SFI1: variants seen among roughly 807,000 people sequenced by gnomAD.
SFI1 encodes the protein SFI1 centrin binding protein.
In SFI1, 195 loss-of-function variants were observed where a neutral mutation model predicts 207.5. The observed-to-expected ratio is 0.94, with a 90% CI of 0.84 to 1.06. The LOEUF (loss-of-function observed/expected upper bound fraction) is 1.06. Among genes scored for constraint, SFI1 ranks in the 50% least tolerant of loss-of-function variants. The probability of loss-of-function intolerance (pLI) is 0.00; values close to 1 mark genes in which losing one functional copy is unlikely to be tolerated. For missense variants in SFI1, 1,634 were observed against 1,588.0 expected (o/e 1.03, Z -0.49); for synonymous variants, 630 against 598.9 (o/e 1.05, Z -0.76).
In SFI1 at chr22:31,580,458, T is replaced by TA. The variant is rs1279621717; in HGVS notation, c.1248+101dup. The TA allele has an allele frequency of 1.4e-4, 146 of 1,014,382 alleles. 1 individual carries two copies. The East Asian group carries it at 3.5e-3, about 24-fold the overall frequency. The allele number at this position is 1,014,382 out of a possible 1,614,324, so 62.8% of individuals were successfully genotyped here. A position where few individuals can be genotyped will look rare whatever the true frequency, so the allele number is the denominator to read the frequency against. The stretch of plus-strand genomic sequence containing the variant: ...TTGCCAAATTAAGCAGAACTCTTTT[T>TA]AAAAAAACTTTTTGTGCTTCAAGAT... On this transcript the variant is annotated intron_variant, in intron 12 of 32. Transcript: ENST00000400288.
chr22:31,573,050 G>C lies in SFI1; in HGVS notation c.766-8G>C. ...TCCTTTGACTGTTGCCTCTTCTCTG[G>C]TTTTCAGGCTTGGTCACAGTGGCGG... On this transcript the variant is annotated splice_polypyrimidine_tract_variant and splice_region_variant and intron_variant, in intron 8 of 32. Coordinates refer to ENST00000400288, the MANE Select transcript of SFI1 (RefSeq NM_001007467.3). 1 of 1,611,540 alleles carries C rather than the reference G, an allele frequency of 6.2e-7. No homozygotes were observed. The highest frequency in any genetic ancestry group is 8.5e-7 in the Non-Finnish European group (1 of 1,178,474).
intron 1 of SFI1, among the ~76,000 whole-genome samples, chr22:31,507,604 C>T (rs1338633603): frequency 6.6e-6 from 1 of 152,146 alleles, no homozygotes; most frequent in Non-Finnish European, 1.5e-5. Context: ...AATTTTTGCA[C>T]TCTGTCCATC....
chr22:31,546,389 G>A (rs947048486), intron 4 of SFI1, among the ~76,000 whole-genome samples: 1 of 151,880 alleles, frequency 6.6e-6, no homozygotes, highest in African/African-American at 2.4e-5. Flanking sequence ...GGAGTGCAGT[G>A]GTGCAGTCTC....
At chr22:31,522,136 C>T (rs1360924579) in intron 2 of SFI1, among the ~76,000 whole-genome samples, 1 of 131,564 alleles carries the variant, frequency 7.6e-6, no homozygotes, top group South Asian at 2.6e-4. Flanking sequence ...GGCACAATCT[C>T]TGCTCACTGC....
At chr22:31,603,637 C>A in intron 17 of SFI1, 107 bp from the exon 18 acceptor site, 1 of 892,452 alleles carries the variant, frequency 1.1e-6, no homozygotes, top group East Asian at 3.3e-5. Context: ...GGTCTTGGCT[C>A]CCCCAAAAAC....
At chr22:31,561,247 G>A in intron 7 of SFI1, 43 bp from the exon 8 acceptor site, 1 of 1,582,790 alleles carries the variant, frequency 6.3e-7, no homozygotes, top group Non-Finnish European at 8.7e-7. Context: ...TTCCTGAGTG[G>A]CTTTTTACTG....
At chr22:31,574,760 A>T (rs2063295808) in intron 9 of SFI1, among the ~76,000 whole-genome samples, 1 of 152,100 alleles carries the variant, frequency 6.6e-6, no homozygotes, top group Non-Finnish European at 1.5e-5. Flanking sequence ...TCAAGGTTTA[A>T]AAAACTTGTA....
intron 1 of SFI1, among the ~76,000 whole-genome samples, chr22:31,505,481 T>C (rs1358826819): frequency 6.6e-6 from 1 of 150,386 alleles, no homozygotes; most frequent in Non-Finnish European, 1.5e-5. Flanking sequence ...CTAGGCAAGG[T>C]GCAGTGGTGC....
intron 11 of SFI1, 75 bp downstream of exon 11, chr22:31,578,527 C>G: frequency 7.3e-7 from 1 of 1,365,650 alleles, no homozygotes; most frequent in Non-Finnish European, 1.0e-6. Flanking sequence ...GACCCTGACC[C>G]CTATCACCTT....
chr22:31,582,166 T>C (rs2045704476), intron 12 of SFI1, among the ~76,000 whole-genome samples: 1 of 128,952 alleles, frequency 7.8e-6, no homozygotes, highest in African/African-American at 2.8e-5. Flanking sequence ...GCTTTTAATC[T>C]AGAACTTTCC....
At position 31,613,732 on chromosome 22, in the gene SFI1, C is replaced by A; in HGVS notation, c.2873C>A (p.Pro958His). 2 of 1,613,242 alleles carry A rather than the reference C, an allele frequency of 1.2e-6. No homozygotes were observed. Among genetic ancestry groups the A allele is most frequent in the Non-Finnish European group, 1.7e-6 (2 of 1,179,948 alleles). The change falls in exon 27 of 33, where the codon CCC becomes CAC. Residue 958 changes from proline to histidine, a missense_variant. Transcript: ENST00000400288. ...AGCAGGAAAGTGACGTTTGAGGGTCCCCTTCTCAACCGCATTGCTGCTGGG... is the reference window on the plus strand; with the variant it reads ...AGCAGGAAAGTGACGTTTGAGGGTCACCTTCTCAACCGCATTGCTGCTGGG... ...APSRKVTFEG[P>H]LLNRIAAGAG...
chr22:31,530,383 G>T (rs1411679409), intron 3 of SFI1, among the ~76,000 whole-genome samples: 1 of 141,354 alleles, frequency 7.1e-6, no homozygotes, highest in African/African-American at 2.6e-5. Flanking sequence ...CCAGCTACTC[G>T]GGAGGCTGAG....
rs142298893 is a variant in SFI1 at position 31,583,271 on chromosome 22, G to T, written c.1249-604G>T. On this transcript the variant is annotated intron_variant, in intron 12 of 32. Coordinates refer to ENST00000400288, the MANE Select transcript of SFI1 (RefSeq NM_001007467.3). ...TGGGTTTACAGGCATGTGCCATCAC[G>T]CCCGGCTAATTTTGTATTTTTAGTA... 6.7e-3 allele frequency among the ~76,000 whole-genome samples: 1,021 copies of T among 152,100 alleles called. 7 individuals are homozygous for T. The highest frequency in any genetic ancestry group is 8.3e-3 in the Non-Finnish European group (565 of 67,988).
chr22:31,550,619 C>T (rs1429621228), intron 6 of SFI1: 4 of 345,350 alleles, frequency 1.2e-5, no homozygotes, highest in Non-Finnish European at 1.6e-5. Flanking sequence ...CCTGCTGGTT[C>T]AGTGGGCTGG....
intron 15 of SFI1, among the ~76,000 whole-genome samples, chr22:31,596,572 C>T (rs957824471): frequency 5.9e-5 from 9 of 152,078 alleles, no homozygotes; most frequent in Non-Finnish European, 8.8e-5. Context: ...AGGTGGATCA[C>T]CTGAGGTCAG....
intron 7 of SFI1, among the ~76,000 whole-genome samples, chr22:31,557,479 A>T (rs971689197): frequency 2.6e-5 from 4 of 151,960 alleles, no homozygotes; most frequent in African/African-American, 9.7e-5. Flanking sequence ...ATGAGCCACC[A>T]TGCCCCCTTC....
intron 27 of SFI1, 44 bp downstream of exon 27, chr22:31,613,899 A>G: frequency 6.5e-7 from 1 of 1,539,824 alleles, no homozygotes; most frequent in Non-Finnish European, 8.7e-7. Flanking sequence ...CACCCTGGGC[A>G]AAAGGTTGGA....
rs1308424642 is a variant in SFI1 at position 31,561,355 on chromosome 22, C to T, written c.728C>T (p.Ser243Phe). Residue 243 changes from serine to phenylalanine, a missense_variant, in exon 8 of 33, where the codon TCT becomes TTT. Ser to Phe is a radical substitution (Grantham distance 155). Transcript: ENST00000400288. The part of the protein sequence containing the change: ...QVRVSRALHA[S>F]ALKHRALSLQ... The stretch of plus-strand genomic sequence containing the variant: ...CGTGTGAGCCGTGCCCTCCATGCCT[C>T]TGCTTTGAAGCACAGGGCCCTGAGC... 1 of 1,614,126 alleles carries T rather than the reference C, an allele frequency of 6.2e-7. No individual in the cohort carries two copies. The highest frequency in any genetic ancestry group is 1.1e-5 in the South Asian group (1 of 91,058).
chr22:31,559,014 C>T (rs2061426399), intron 7 of SFI1, among the ~76,000 whole-genome samples: 1 of 151,938 alleles, frequency 6.6e-6, no homozygotes, highest in South Asian at 2.1e-4. Flanking sequence ...ACCACATTGG[C>T]CAGGCTGGTC....
Sources: gnomAD v4.1 joint callset for allele counts (sites outside exome capture counted in the v4.1 genomes callset) on GRCh38, gnomAD v4.1.1 for gene constraint, MANE v1.5 for transcripts, NCBI Gene and HGNC (gene_info 2026-07-23, HGNC 2026-07-21) for gene names.